Variants in SORCS1 observed in about 807,000 individuals in gnomAD.
The protein encoded by SORCS1 is VPS10 domain-containing receptor SorCS1.
In SORCS1, 60 loss-of-function variants were observed where a neutral mutation model predicts 146.1. The ratio of observed to expected loss-of-function variants is 0.41; its 90% CI spans 0.33 to 0.51. The LOEUF is 0.51. Ranked by LOEUF, SORCS1 falls within the 20% of genes least tolerant of loss-of-function variation. The pLI, the probability that SORCS1 is intolerant of heterozygous loss-of-function variation, is 0.21. For missense variants in SORCS1, 1,352 were observed against 1,487.6 expected (o/e 0.91, Z 1.50); for synonymous variants, 637 against 584.0 (o/e 1.09, Z -1.31).
At chr10:106,967,189 T>C (rs1955535117) in intron 1 of SORCS1, among the ~76,000 whole-genome samples, 3 of 152,032 alleles carry the variant, frequency 2.0e-5, no homozygotes, top group Non-Finnish European at 4.4e-5. Flanking sequence ...AGGACACTTG[T>C]CTTGTTTCCT....
intron 9 of SORCS1, among the ~76,000 whole-genome samples, chr10:106,697,571 C>T (rs1853801739): frequency 6.6e-6 from 1 of 151,764 alleles, no homozygotes; most frequent in African/African-American, 2.4e-5. Context: ...ATGTTTTGGG[C>T]ATTTACACAA....
chr10:107,140,727 C>A (rs936630399), intron 1 of SORCS1, among the ~76,000 whole-genome samples: 1 of 152,194 alleles, frequency 6.6e-6, no homozygotes, highest in Non-Finnish European at 1.5e-5. Flanking sequence ...CTCAAGACAT[C>A]ATTCGATATC....
At chr10:107,034,451 G>A (rs907543017) in intron 1 of SORCS1, among the ~76,000 whole-genome samples, 5 of 151,648 alleles carry the variant, frequency 3.3e-5, no homozygotes, top group Admixed American at 6.6e-5. Context: ...AGACCGAGGC[G>A]GGCAGATCAC....
chr10:106,744,761 G>GA (rs1857598183), intron 5 of SORCS1, among the ~76,000 whole-genome samples: 1 of 152,106 alleles, frequency 6.6e-6, no homozygotes, highest in African/African-American at 2.4e-5. Context: ...TAAGACAGAG[G>GA]AGAGACAGGA....
chr10:106,600,567 T>G, intron 23 of SORCS1: 1 of 985,416 alleles, frequency 1.0e-6, no homozygotes, highest in Non-Finnish European at 1.2e-6. Flanking sequence ...TATCCTGTAT[T>G]TTTTCAAAAG....
At position 106,766,626 on chromosome 10, in the gene SORCS1, G is replaced by T. The variant is rs544527007; in HGVS notation, c.886-4965C>A. ...GATTCCATAAACTTCACTAAGAGCT[G>T]ACACAAGTCTTTAACTTGGCTGTTC... On this transcript the variant is annotated intron_variant, in intron 4 of 25. Coordinates refer to ENST00000263054, the MANE Select transcript of SORCS1 (RefSeq NM_052918.5). 2.0e-5 allele frequency among the ~76,000 whole-genome samples: 3 copies of T among 152,246 alleles called. No individual in the cohort carries two copies. In the East Asian group the frequency reaches 5.8e-4, roughly 29 times the overall value.
intron 2 of SORCS1, among the ~76,000 whole-genome samples, chr10:106,899,522 G>C (rs1245527171): frequency 2.6e-5 from 4 of 151,484 alleles, no homozygotes; most frequent in Non-Finnish European, 5.9e-5. Flanking sequence ...ATCCAGGGCT[G>C]CGCCATCTCA....
chr10:106,762,304 A>T (rs1361994582), intron 4 of SORCS1, among the ~76,000 whole-genome samples: 1 of 151,996 alleles, frequency 6.6e-6, no homozygotes, highest in Non-Finnish European at 1.5e-5. Flanking sequence ...ATGTAAGCTT[A>T]TCTAAGTAAT....
intron 9 of SORCS1, among the ~76,000 whole-genome samples, chr10:106,691,269 T>C (rs1853273195): frequency 1.3e-5 from 2 of 152,184 alleles, no homozygotes; most frequent in Admixed American, 1.3e-4. Context: ...GAATTTCTGA[T>C]GACAAACCTC....
chr10:107,044,940 G>A (rs1357100985), intron 1 of SORCS1, among the ~76,000 whole-genome samples: 1 of 152,064 alleles, frequency 6.6e-6, no homozygotes, highest in Non-Finnish European at 1.5e-5. Context: ...TGCAGGAGAT[G>A]GATGGCATTT....
intron 2 of SORCS1, among the ~76,000 whole-genome samples, chr10:106,837,285 A>T (rs1241875112): frequency 6.6e-6 from 1 of 152,182 alleles, no homozygotes; most frequent in Non-Finnish European, 1.5e-5. Context: ...CCAAGAAAAA[A>T]TAGAAAAGAG....
chr10:106,737,400 C>A (rs571345479), intron 5 of SORCS1, among the ~76,000 whole-genome samples: 1 of 151,074 alleles, frequency 6.6e-6, no homozygotes, highest in Admixed American at 6.7e-5. Flanking sequence ...CACTTTTATG[C>A]CCCCTCTTTG....
At chr10:106,603,841 G>T (rs535140107) in intron 23 of SORCS1, among the ~76,000 whole-genome samples, 1 of 152,276 alleles carries the variant, frequency 6.6e-6, no homozygotes, top group African/African-American at 2.4e-5. Flanking sequence ...TCCCCACATT[G>T]TTCTTTGAGG....
chr10:107,164,381 G>A lies in SORCS1; in HGVS notation c.146C>T (p.Ser49Leu). The A allele has an allele frequency of 6.8e-7, 1 of 1,462,006 alleles. No individual in the cohort carries two copies. The highest frequency in any genetic ancestry group is 9.0e-7 in the Non-Finnish European group (1 of 1,111,152). The allele number at this position is 1,462,006 out of a possible 1,614,324, so 90.6% of individuals were successfully genotyped here. ...PSPHPSSAPR[S>L]ASTPRGFSHQ... ...GGAAAAGCCCCTAGGGGTCGAGGCCGAGCGTGGAGCGGAGCTGGGGTGCGG... is the reference window on the plus strand; with the variant it reads ...GGAAAAGCCCCTAGGGGTCGAGGCCAAGCGTGGAGCGGAGCTGGGGTGCGG... Residue 49 changes from serine to leucine, a missense_variant, in exon 1 of 26, where the codon TCG (serine) becomes TTG (leucine). This residue lies in a region of SORCS1 where 490 missense variants were observed against 489.1 expected (regional missense o/e 1.00). Coordinates refer to ENST00000263054, the MANE Select transcript of SORCS1 (RefSeq NM_052918.5). This position sits in a 1 kb window ranked among gnomAD's most constrained non-coding sequence, Gnocchi z 6.8.
intron 6 of SORCS1, 47 bp from the exon 7 acceptor site, chr10:106,709,388 A>C: frequency 8.6e-7 from 1 of 1,164,042 alleles, no homozygotes; most frequent in Non-Finnish European, 1.3e-6. Context: ...AGGGGGATAT[A>C]CAGACAGAGA....
At chr10:106,762,762 T>C (rs113612137) in intron 4 of SORCS1, among the ~76,000 whole-genome samples, 71 of 152,190 alleles carry the variant, frequency 4.7e-4, no homozygotes, top group African/African-American at 1.7e-3. Context: ...TCATGTTTGA[T>C]ATATTTTATG....
intron 2 of SORCS1, among the ~76,000 whole-genome samples, chr10:106,903,542 GCC>G (rs1951801489): frequency 1.3e-5 from 2 of 152,114 alleles, no homozygotes; most frequent in African/African-American, 4.8e-5. Context: ...CAACAAATTT[GCC>G]TGAAATTTTG....
At chr10:106,734,763 A>G (rs1013745250) in intron 5 of SORCS1, among the ~76,000 whole-genome samples, 5 of 152,200 alleles carry the variant, frequency 3.3e-5, no homozygotes, top group Non-Finnish European at 5.9e-5. Flanking sequence ...CCTGGCACAG[A>G]GCTAGGGCTC....
intron 1 of SORCS1, among the ~76,000 whole-genome samples, chr10:107,113,685 ATC>A (rs1565061789): frequency 7.0e-6 from 1 of 142,398 alleles, no homozygotes; most frequent in Non-Finnish European, 1.5e-5. Flanking sequence ...GCAAGACTCC[ATC>A]TCAAAAAAAA....
Sources: gnomAD v4.1 joint callset for allele counts (sites outside exome capture counted in the v4.1 genomes callset) on GRCh38, gnomAD v4.1.1 for gene constraint, gnomAD v4.1.1 regional missense constraint, Gnocchi (gnomAD v3.1) non-coding constraint, MANE v1.5 for transcripts, NCBI Gene and HGNC (gene_info 2026-07-23, HGNC 2026-07-21) for gene names.